The following NLK variants were observed in gnomAD, a reference collection of about 807,000 sequenced individuals.
The protein encoded by NLK is serine/threonine-protein kinase NLK.
NLK carries 11 observed loss-of-function variants against 59.0 expected under a neutral mutation model. That is an observed-to-expected ratio of 0.19 (90% CI 0.12 to 0.31). The LOEUF (loss-of-function observed/expected upper bound fraction) is 0.31. Among genes scored for constraint, NLK ranks in the 10% least tolerant of loss-of-function variants. The pLI is 1.00. For missense variants in NLK, 410 were observed against 661.1 expected (o/e 0.62, Z 4.16); for synonymous variants, 235 against 235.9 (o/e 1.00, Z 0.03).
intron 8 of NLK, among the ~76,000 whole-genome samples, chr17:28,190,378 AGGAGGCCAAGACT>A (rs955232218): frequency 1.3e-5 from 2 of 152,194 alleles, no homozygotes; most frequent in Non-Finnish European, 2.9e-5. Context: ...CCAGCACTTC[AGGAGGCCAAGACT>A]GGAGGCCACA....
the NLK span, among the ~76,000 whole-genome samples, chr17:28,205,290 A>G: frequency 2.6e-4 from 39 of 152,298 alleles, no homozygotes; most frequent in African/African-American, 9.4e-4. Flanking sequence ...TATTTTTGCT[A>G]TTAGGCTGCA....
At chr17:28,179,876 T>TG (rs1275400111) in intron 7 of NLK, among the ~76,000 whole-genome samples, 2 of 147,546 alleles carry the variant, frequency 1.4e-5, no homozygotes, top group Admixed American at 6.8e-5. Flanking sequence ...TTCTTGGTTT[T>TG]TTTTTTTTTT....
intron 3 of NLK, among the ~76,000 whole-genome samples, chr17:28,137,120 G>A (rs567445093): frequency 3.8e-4 from 58 of 152,148 alleles, no homozygotes; most frequent in African/African-American, 1.3e-3. Flanking sequence ...TAGTGTCTCC[G>A]AAATATGGCG....
At chr17:28,085,738 CT>C (rs1910492208) in intron 1 of NLK, among the ~76,000 whole-genome samples, 1 of 151,860 alleles carries the variant, frequency 6.6e-6, no homozygotes, top group Admixed American at 6.6e-5. Context: ...AAGACCCAGT[CT>C]CAAGAAAAAA....
intron 1 of NLK, among the ~76,000 whole-genome samples, chr17:28,092,983 C>A (rs923549689): frequency 2.6e-5 from 4 of 151,730 alleles, no homozygotes; most frequent in Non-Finnish European, 4.4e-5. Context: ...TTAGTAGAGA[C>A]GGGGTTTCAC....
intron 8 of NLK, among the ~76,000 whole-genome samples, chr17:28,185,993 C>T (rs1338217378): frequency 6.6e-6 from 1 of 152,180 alleles, no homozygotes; most frequent in African/African-American, 2.4e-5. Context: ...ACTGTAAGTT[C>T]AGCTCTTCAT....
At chr17:28,183,682 C>A (rs1909002650) in intron 7 of NLK, among the ~76,000 whole-genome samples, 1 of 152,100 alleles carries the variant, frequency 6.6e-6, no homozygotes, top group South Asian at 2.1e-4. Flanking sequence ...TTTGACCTAC[C>A]AAACTTTCTG....
chr17:28,138,411 T>C (rs1906850226), intron 3 of NLK, among the ~76,000 whole-genome samples: 2 of 152,180 alleles, frequency 1.3e-5, no homozygotes, highest in South Asian at 4.1e-4. Flanking sequence ...CTGGCGCAAT[T>C]ATTGTGAAGT....
intron 7 of NLK, 23 bp downstream of exon 7, chr17:28,172,641 T>C (rs1908512036): frequency 2.2e-6 from 3 of 1,363,870 alleles, no homozygotes; most frequent in Admixed American, 2.4e-5. Context: ...GGGAATCTTT[T>C]TCTGGTAACC....
intron 3 of NLK, among the ~76,000 whole-genome samples, chr17:28,149,345 T>C (rs1482815147): frequency 1.3e-5 from 2 of 152,216 alleles, no homozygotes; most frequent in East Asian, 3.8e-4. Context: ...TTTATAGGTG[T>C]GAGCCACTGT....
At chr17:28,102,619 C>A (rs1304636576) in intron 1 of NLK, among the ~76,000 whole-genome samples, 1 of 149,212 alleles carries the variant, frequency 6.7e-6, no homozygotes, top group Admixed American at 6.7e-5. Context: ...ACTGCACTTC[C>A]AGCCTGGCAA....
At chr17:28,135,541 A>AT (rs1308866177) in intron 3 of NLK, among the ~76,000 whole-genome samples, 2 of 152,188 alleles carry the variant, frequency 1.3e-5, no homozygotes, top group African/African-American at 4.8e-5. Context: ...TGTCAGGTGG[A>AT]TATTGCAGTG....
the NLK span, among the ~76,000 whole-genome samples, chr17:28,204,531 C>G: frequency 6.6e-6 from 1 of 152,092 alleles, no homozygotes; most frequent in Non-Finnish European, 1.5e-5. Context: ...AGCCATGCAG[C>G]CATTGAAAGT....
At chr17:28,074,589 G>A (rs1910110340) in intron 1 of NLK, among the ~76,000 whole-genome samples, 2 of 151,992 alleles carry the variant, frequency 1.3e-5, no homozygotes, top group Non-Finnish European at 2.9e-5. Flanking sequence ...TTATTTCGTG[G>A]CCATTATATA....
intron 1 of NLK, among the ~76,000 whole-genome samples, chr17:28,116,608 A>G (rs1905786611): frequency 6.6e-6 from 1 of 152,234 alleles, no homozygotes; most frequent in Non-Finnish European, 1.5e-5. Flanking sequence ...TTCTGATGTG[A>G]ACTTTATTTC....
At chr17:28,058,523 G>A (rs765269261) in intron 1 of NLK, among the ~76,000 whole-genome samples, 11 of 152,090 alleles carry the variant, frequency 7.2e-5, no homozygotes, top group Non-Finnish European at 1.5e-4. Flanking sequence ...TCGAAGATTC[G>A]GGTCATGTCT....
chr17:28,057,175 G>C (rs1172821461), intron 1 of NLK, among the ~76,000 whole-genome samples: 1 of 151,934 alleles, frequency 6.6e-6, no homozygotes, highest in African/African-American at 2.4e-5. Flanking sequence ...GCCTGGTCTC[G>C]AACTCCTGAT....
intron 1 of NLK, among the ~76,000 whole-genome samples, chr17:28,099,621 G>T (rs1365788480): frequency 6.9e-6 from 1 of 144,612 alleles, no homozygotes; most frequent in Non-Finnish European, 1.5e-5. Context: ...GCCCAGGCCG[G>T]ACTGCGGACT....
At chr17:28,117,377 A>G (rs1470281188) in intron 1 of NLK, among the ~76,000 whole-genome samples, 1 of 152,188 alleles carries the variant, frequency 6.6e-6, no homozygotes, top group Non-Finnish European at 1.5e-5. Flanking sequence ...TAAGTACTTG[A>G]AAATAAATAT....
Sources: gnomAD v4.1 joint callset for allele counts (sites outside exome capture counted in the v4.1 genomes callset) on GRCh38, gnomAD v4.1.1 for gene constraint, MANE v1.5 for transcripts, NCBI Gene and HGNC (gene_info 2026-07-23, HGNC 2026-07-21) for gene names.